The following RNF145 variants were observed in gnomAD, a reference collection of about 807,000 sequenced individuals.
RNF145 encodes ring finger protein 145.
In RNF145, 12 loss-of-function variants were observed where a neutral mutation model predicts 57.3. That is an observed-to-expected ratio of 0.21 (90% CI 0.13 to 0.34). The LOEUF (loss-of-function observed/expected upper bound fraction) is 0.34, where lower values mean the gene tolerates loss of function less well. Ranked by LOEUF, RNF145 falls within the 10% of genes least tolerant of loss-of-function variation. The pLI, the probability that RNF145 is intolerant of heterozygous loss-of-function variation, is 1.00. For synonymous variants in RNF145, 262 were observed against 288.3 expected (o/e 0.91, Z 0.92); for missense variants, 429 against 799.0 (o/e 0.54, Z 5.58).
chr5:159,197,426 T>C (rs761458168), intron 2 of RNF145, among the ~76,000 whole-genome samples: 1 of 152,180 alleles, frequency 6.6e-6, no homozygotes, highest in African/African-American at 2.4e-5. Context: ...TTCTTCAATA[T>C]CTATTTAGGT....
chr5:159,190,743 T>A (rs1785262194), intron 3 of RNF145, among the ~76,000 whole-genome samples: 1 of 151,940 alleles, frequency 6.6e-6, no homozygotes, highest in Non-Finnish European at 1.5e-5. Context: ...TGAACCATTA[T>A]TTTTTTAAAA....
At position 159,174,013 on chromosome 5, in the gene RNF145, C is replaced by T. The variant is rs1784638927; in HGVS notation, c.767G>A (p.Arg256His). The change falls in exon 6 of 11, where the codon CGT becomes CAT. Residue 256 changes from arginine (R) to histidine (H), a missense_variant. Physicochemically the swap from Arg to His is conservative, Grantham distance 29. Around this residue, in one of 4 missense-constraint regions of RNF145, gnomAD observed 216 missense variants for 457.6 expected, o/e 0.47. Coordinates refer to ENST00000424310, the MANE Select transcript of RNF145 (RefSeq NM_001199383.2). ...CAGAAAAAGGAAAAGAAGCCTCTCACGTGATGCAGGCTGATCTCGAGTACT... is the reference window on the plus strand; with the variant it reads ...CAGAAAAAGGAAAAGAAGCCTCTCATGTGATGCAGGCTGATCTCGAGTACT... Reference protein sequence around the residue: ...YFSTRDQPASRERLLFLFLTS... With the variant: ...YFSTRDQPASHERLLFLFLTS... 6.2e-7 allele frequency: 1 copy of T among 1,612,072 alleles called. No homozygotes were observed. The highest frequency in any genetic ancestry group is 8.5e-7 in the Non-Finnish European group (1 of 1,179,112).
intron 5 of RNF145, among the ~76,000 whole-genome samples, chr5:159,175,312 CTG>C: frequency 6.6e-6 from 1 of 152,016 alleles, no homozygotes; most frequent in Admixed American, 6.6e-5. Flanking sequence ...CTAAAAAAAC[CTG>C]TCTGTTTCCA....
At chr5:159,160,537 T>G (rs1784181649) in intron 10 of RNF145, among the ~76,000 whole-genome samples, 1 of 152,234 alleles carries the variant, frequency 6.6e-6, no homozygotes, top group African/African-American at 2.4e-5. Flanking sequence ...GGGACATAGT[T>G]TCTGCTGTTG....
chr5:159,207,455 A>T (rs1785932724), intron 1 of RNF145: 1 of 1,489,186 alleles, frequency 6.7e-7, no homozygotes, highest in Admixed American at 2.0e-5. Flanking sequence ...TAAAAAAGAA[A>T]AACAAAAATC....
chr5:159,161,461 G>T lies in RNF145; in HGVS notation c.1431C>A (p.Thr477=). 2 of 1,614,146 alleles carry T rather than the reference G, an allele frequency of 1.2e-6. No individual in the cohort carries two copies. The highest frequency in any genetic ancestry group is 1.7e-6 in the Non-Finnish European group (2 of 1,180,032). Reference sequence around the variant, plus strand: ...CCATCACTGTCCATTCTCCAAAGATGGTCTCTGAGACGCCATAGGCCACCA... The same window carrying T: ...CCATCACTGTCCATTCTCCAAAGATTGTCTCTGAGACGCCATAGGCCACCA... The part of the protein sequence containing the change: ...LCVVAYGVSE[T]IFGEWTVMGS... The change falls in exon 10 of 11, where the codon ACC becomes ACA. Residue 477 remains threonine, a synonymous_variant. Transcript: ENST00000424310.
At chr5:159,204,780 G>A (rs1203898683) in intron 1 of RNF145, among the ~76,000 whole-genome samples, 1 of 137,544 alleles carries the variant, frequency 7.3e-6, no homozygotes, top group Admixed American at 7.8e-5. Flanking sequence ...CTCCAGCCTA[G>A]GCAACTGAGC....
chr5:159,205,099 G>T (rs748733427), intron 1 of RNF145, among the ~76,000 whole-genome samples: 6 of 151,990 alleles, frequency 3.9e-5, no homozygotes, highest in Non-Finnish European at 8.8e-5. Flanking sequence ...AAAGCTAAAG[G>T]CAACCCAACT....
upstream of RNF145, chr5:159,209,938 C>T (rs1171517183): frequency 2.6e-6 from 4 of 1,529,498 alleles, no homozygotes; most frequent in Non-Finnish European, 3.5e-6. Context: ...TCGTTTTAAC[C>T]TCGTCACTGA....
intron 2 of RNF145, among the ~76,000 whole-genome samples, chr5:159,203,130 G>A (rs957301479): frequency 6.6e-6 from 1 of 151,972 alleles, no homozygotes; most frequent in Non-Finnish European, 1.5e-5. Flanking sequence ...AAATTAGAAG[G>A]GGCCAAATGT....
chr5:159,162,843 T>C (rs569522386), intron 9 of RNF145, 89 bp downstream of exon 9: 1 of 967,230 alleles, frequency 1.0e-6, no homozygotes, highest in Non-Finnish European at 1.5e-6. Context: ...CCACTTATAA[T>C]CATTCATCTT....
At chr5:159,188,387 CTG>C (rs1785163212) in intron 3 of RNF145, among the ~76,000 whole-genome samples, 1 of 149,574 alleles carries the variant, frequency 6.7e-6, no homozygotes, top group Non-Finnish European at 1.5e-5. Flanking sequence ...GAGCAAGACT[CTG>C]TCTCAAAAAA....
At chr5:159,180,698 A>T (rs553932782) in intron 4 of RNF145, among the ~76,000 whole-genome samples, 2 of 152,144 alleles carry the variant, frequency 1.3e-5, no homozygotes, top group Non-Finnish European at 2.9e-5. Context: ...TATCCTAAAC[A>T]TCATCATATA....
chr5:159,204,587 T>C (rs1358920170), intron 1 of RNF145, among the ~76,000 whole-genome samples: 1 of 152,052 alleles, frequency 6.6e-6, no homozygotes, highest in Non-Finnish European at 1.5e-5. Context: ...AGGCAGATCA[T>C]GAGGTCACGA....
chr5:159,159,169 A>C, intron 10 of RNF145, 134 bp from the exon 11 acceptor site: 5 of 757,264 alleles, frequency 6.6e-6, no homozygotes, highest in Non-Finnish European at 8.4e-6. Flanking sequence ...AATAAAACTT[A>C]CTTTATATAT....
At chr5:159,208,960 T>G (rs1280685741) in intron 1 of RNF145, among the ~76,000 whole-genome samples, 1 of 149,724 alleles carries the variant, frequency 6.7e-6, no homozygotes, top group Non-Finnish European at 1.5e-5. Flanking sequence ...GAGGGGGCTT[T>G]GCGCGGGGCC....
chr5:159,188,042 A>C (rs1296948663), intron 3 of RNF145, among the ~76,000 whole-genome samples: 2 of 152,172 alleles, frequency 1.3e-5, no homozygotes, highest in African/African-American at 4.8e-5. Context: ...TCACAGACAC[A>C]CAAATCCAAT....
chr5:159,170,516 AT>A (rs1562052364), intron 6 of RNF145, among the ~76,000 whole-genome samples: 1 of 151,918 alleles, frequency 6.6e-6, no homozygotes, highest in Non-Finnish European at 1.5e-5. Context: ...CTTCTTAGAT[AT>A]TAACTTATAT....
chr5:159,200,441 G>GA (rs1284245131), intron 2 of RNF145, among the ~76,000 whole-genome samples: 5 of 152,008 alleles, frequency 3.3e-5, no homozygotes, highest in African/African-American at 9.6e-5. Flanking sequence ...TATATAATGA[G>GA]AAAAAAATGG....
Sources: gnomAD v4.1 joint callset for allele counts (sites outside exome capture counted in the v4.1 genomes callset) on GRCh38, gnomAD v4.1.1 for gene constraint, gnomAD v4.1.1 regional missense constraint, MANE v1.5 for transcripts, NCBI Gene and HGNC (gene_info 2026-07-23, HGNC 2026-07-21) for gene names.